Variants in PRDX3 observed in about 807,000 individuals in gnomAD.
The protein encoded by PRDX3 is thioredoxin-dependent peroxide reductase, mitochondrial.
PRDX3 carries 20 observed loss-of-function variants against 30.4 expected under a neutral mutation model. That is an observed-to-expected ratio of 0.66 (90% CI 0.46 to 0.96). PRDX3 has a LOEUF of 0.96. Among genes scored for constraint, PRDX3 ranks in the 40% least tolerant of loss-of-function variants. The pLI is 0.00. For synonymous variants in PRDX3, 124 were observed against 117.8 expected (o/e 1.05, Z -0.34); for missense variants, 322 against 318.3 (o/e 1.01, Z -0.09).
chr10:119,171,151 C>T (rs1174505114), intron 5 of PRDX3, among the ~76,000 whole-genome samples: 1 of 151,958 alleles, frequency 6.6e-6, no homozygotes, highest in Non-Finnish European at 1.5e-5. Context: ...CGCCATTCTC[C>T]TGCCTCAGCC....
chr10:119,171,986 G>A (rs1482288700), intron 5 of PRDX3, among the ~76,000 whole-genome samples: 1 of 152,174 alleles, frequency 6.6e-6, no homozygotes, highest in African/African-American at 2.4e-5. Context: ...GTGGCCTCAA[G>A]ACGCAGCCAG....
chr10:119,172,435 C>T lies in PRDX3; in HGVS notation c.498G>A (p.Lys166=), dbSNP rs749832158. 4 of 1,614,044 alleles carry T rather than the reference C, an allele frequency of 2.5e-6. No homozygotes were observed. The African/African-American group carries it at 4.0e-5, about 16-fold the overall frequency. The stretch of plus-strand genomic sequence containing the variant: ...GCACACCGTAGTCTCGGGAAATCTG[C>T]TTAGTTAAGTCTGACAAGAGTGCGA... The part of the protein sequence containing the change: ...MNIALLSDLT[K]QISRDYGVLL... The change falls in exon 5 of 7, where the codon AAG becomes AAA. Residue 166 remains lysine (K), a synonymous_variant. Coordinates refer to ENST00000298510, the MANE Select transcript of PRDX3 (RefSeq NM_006793.5).
rs75284913 is a variant in PRDX3 at position 119,176,278 on chromosome 10, G to A, written c.169+743C>T. On this transcript the variant is annotated intron_variant, in intron 2 of 6. Coordinates refer to ENST00000298510, the MANE Select transcript of PRDX3 (RefSeq NM_006793.5). ...GAGGCGCTGCTGGGGATGAGGATTCGAAACCAGTGGAGTAAAGTTTTAAGC... is the reference window on the plus strand; with the variant it reads ...GAGGCGCTGCTGGGGATGAGGATTCAAAACCAGTGGAGTAAAGTTTTAAGC... Among the ~76,000 whole-genome samples the A allele has an allele frequency of 4.2e-3, 642 of 152,272 alleles. 6 individuals carry two copies. The highest frequency in any genetic ancestry group is 0.015 in the African/African-American group (608 of 41,548).
chr10:119,172,497 G>T lies in PRDX3; in HGVS notation c.448-12C>A. Reference sequence around the variant, plus strand: ...CCCAAACCACCATTCTAATCAAAATGCAAACATGACTGTTAGAATGTGTGG... The same window carrying T: ...CCCAAACCACCATTCTAATCAAAATTCAAACATGACTGTTAGAATGTGTGG... On this transcript the variant is annotated splice_polypyrimidine_tract_variant and intron_variant, in intron 4 of 6. Coordinates refer to ENST00000298510, the MANE Select transcript of PRDX3 (RefSeq NM_006793.5). 1 of 1,602,114 alleles carries T rather than the reference G, an allele frequency of 6.2e-7. No individual in the cohort carries two copies. The highest frequency in any genetic ancestry group is 8.6e-7 in the Non-Finnish European group (1 of 1,169,116).
In PRDX3 at chr10:119,173,729, T is replaced by C; in HGVS notation, c.447+8A>G. 6.2e-7 allele frequency: 1 copy of C among 1,611,280 alleles called. No homozygotes were observed. Among genetic ancestry groups the C allele is most frequent in the Non-Finnish European group, 8.5e-7 (1 of 1,179,590 alleles). On this transcript the variant is annotated splice_region_variant and intron_variant, in intron 4 of 6. Transcript: ENST00000298510. ...ATAAGAGCAAAAGCTAGGGGTACAA[T>C]GCCATACCTTTCTTGGTGTATTTAT...
rs143405789 is a variant in PRDX3, at chr10:119,177,041, T to G, written c.149A>C (p.Gln50Pro). The stretch of plus-strand genomic sequence containing the variant: ...CTTACTGGTGCTGAATAATTTTGCT[T>G]GACTGGAACCAGAACACAATAAATT... Reference protein sequence around the residue: ...LTNLLCSGSSQAKLFSTSSSC... With the variant: ...LTNLLCSGSSPAKLFSTSSSC... The change falls in exon 2 of 7, where the codon CAA (glutamine) becomes CCA (proline). Residue 50 changes from glutamine to proline, a missense_variant. Physicochemically the swap from Gln to Pro is moderately conservative, Grantham distance 76. Coordinates refer to ENST00000298510, the MANE Select transcript of PRDX3 (RefSeq NM_006793.5). 3.1e-5 allele frequency: 50 copies of G among 1,614,130 alleles called. No individual in the cohort carries two copies. In the African/African-American group the frequency reaches 5.7e-4, roughly 18 times the overall value.
At position 119,176,258 on chromosome 10, in the gene PRDX3, G is replaced by A. The variant is rs568100249; in HGVS notation, c.169+763C>T. ...ACCGCCATGAACAGAAACAGGAGGC[G>A]CTGCTGGGGATGAGGATTCGAAACC... On this transcript the variant is annotated intron_variant, in intron 2 of 6. Coordinates refer to ENST00000298510, the MANE Select transcript of PRDX3 (RefSeq NM_006793.5). Among the ~76,000 whole-genome samples, 86 of 152,270 alleles carry A rather than the reference G, an allele frequency of 5.6e-4. 2 individuals carry two copies. Among genetic ancestry groups the A allele is most frequent in the Non-Finnish European group, 3.5e-4 (24 of 68,024 alleles).
chr10:119,174,596 A>C lies in PRDX3; in HGVS notation c.170-4T>G. On this transcript the variant is annotated splice_region_variant and splice_polypyrimidine_tract_variant and intron_variant, in intron 2 of 6. Transcript: ENST00000298510. ...GCAGGTGCATGGCATGAGGAACCTG[A>C]AAAAAAACCCACACTCATATGGAGT... 6.3e-7 allele frequency: 1 copy of C among 1,576,414 alleles called. No individual in the cohort carries two copies. The highest frequency in any genetic ancestry group is 8.6e-7 in the Non-Finnish European group (1 of 1,167,792).
intron 5 of PRDX3, chr10:119,169,904 A>C (rs554509615): frequency 6.6e-6 from 1 of 152,644 alleles, no homozygotes; most frequent in East Asian, 1.9e-4. Context: ...AATGAGATGA[A>C]CCACGCTACC....
intron 2 of PRDX3, among the ~76,000 whole-genome samples, chr10:119,176,757 T>G (rs946115712): frequency 6.6e-6 from 1 of 152,182 alleles, no homozygotes; most frequent in Non-Finnish European, 1.5e-5. Context: ...CACAGTGGAT[T>G]AGAAACTCTG....
rs1025847058 is a variant in PRDX3 at position 119,174,390 on chromosome 10, G to C, written c.311+61C>G. The C allele has an allele frequency of 5.7e-4, 867 of 1,516,246 alleles. 5 individuals are homozygous for C. The highest frequency in any genetic ancestry group is 7.2e-4 in the South Asian group (55 of 76,412). The allele number at this position is 1,516,246 out of a possible 1,614,324, so 93.9% of individuals were successfully genotyped here. A position where few individuals can be genotyped will look rare whatever the true frequency, so the allele number is the denominator to read the frequency against. On this transcript the variant is annotated intron_variant, in intron 3 of 6. Coordinates refer to ENST00000298510, the MANE Select transcript of PRDX3 (RefSeq NM_006793.5). ...TATCTAGGGATAGACAATTCAGTGT[G>C]GGAACAGGATATGTGCTTGCTCTCA...
intron 1 of PRDX3, among the ~76,000 whole-genome samples, chr10:119,178,026 C>T (rs571664529): frequency 6.6e-6 from 1 of 151,694 alleles, no homozygotes; most frequent in South Asian, 2.1e-4. Context: ...GACCACCATG[C>T]CCGGCTATTT....
rs1445424916 is a variant in PRDX3, at chr10:119,177,006, T to C, written c.169+15A>G. On this transcript the variant is annotated intron_variant, in intron 2 of 6. Coordinates refer to ENST00000298510, the MANE Select transcript of PRDX3 (RefSeq NM_006793.5). ...CCTTTACCTGGCTCCAGCCAAGACA[T>C]GACATAACACTTACTGGTGCTGAAT... The C allele has an allele frequency of 6.2e-7, 1 of 1,613,762 alleles. No individual in the cohort carries two copies. The highest frequency in any genetic ancestry group is 1.1e-5 in the South Asian group (1 of 91,072).
At chr10:119,173,484 C>T (rs1373663598) in intron 4 of PRDX3, among the ~76,000 whole-genome samples, 3 of 151,954 alleles carry the variant, frequency 2.0e-5, no homozygotes, top group African/African-American at 7.3e-5. Context: ...TGACACATGC[C>T]TGTAATCCCA....
chr10:119,169,520 A>C, intron 5 of PRDX3, 178 bp from the exon 6 acceptor site: 1 of 563,976 alleles, frequency 1.8e-6, no homozygotes, highest in South Asian at 2.3e-5. Flanking sequence ...TACTGATGAC[A>C]GATGCTTTAA....
intron 5 of PRDX3, among the ~76,000 whole-genome samples, chr10:119,171,363 C>G (rs1589661590): frequency 6.6e-6 from 1 of 152,254 alleles, no homozygotes; most frequent in South Asian, 2.1e-4. Context: ...TTAAGCTGAC[C>G]AGCCCCCAGC....
chr10:119,178,574 G>T (rs1005626982), intron 1 of PRDX3, among the ~76,000 whole-genome samples, 181 bp downstream of exon 1: 1 of 152,368 alleles, frequency 6.6e-6, no homozygotes, highest in African/African-American at 2.4e-5. Context: ...GAGTGGGGAA[G>T]GGCGGTTCTG....
rs779618662 is a variant in PRDX3, at chr10:119,173,731, C to T, written c.447+6G>A. ...AAGAGCAAAAGCTAGGGGTACAATG[C>T]CATACCTTTCTTGGTGTATTTATCC... is the stretch of plus-strand genomic sequence containing the variant. On this transcript the variant is annotated splice_donor_region_variant and intron_variant, in intron 4 of 6. Coordinates refer to ENST00000298510, the MANE Select transcript of PRDX3 (RefSeq NM_006793.5). 6.8e-6 allele frequency: 11 copies of T among 1,611,254 alleles called. No homozygotes were observed. The highest frequency in any genetic ancestry group is 2.2e-5 in the South Asian group (2 of 90,846).
rs575658207 is a variant in PRDX3, at chr10:119,173,670, A to T, written c.447+67T>A. ...AATTTGATCTTGATAGTCCAGCAGC[A>T]TAGCTAGAAATTTAGATTCTTCCAA... is the stretch of plus-strand genomic sequence containing the variant. On this transcript the variant is annotated intron_variant, in intron 4 of 6. Coordinates refer to ENST00000298510, the MANE Select transcript of PRDX3 (RefSeq NM_006793.5). 220 of 1,536,646 alleles carry T rather than the reference A, an allele frequency of 1.4e-4. 2 individuals are homozygous for T. The South Asian group carries it at 2.5e-3, about 17-fold the overall frequency.
Sources: allele counts gnomAD v4.1 joint callset (sites outside exome capture counted in the v4.1 genomes callset), GRCh38; gene constraint gnomAD v4.1.1; transcripts MANE v1.5; gene names NCBI Gene and HGNC (gene_info 2026-07-23, HGNC 2026-07-21).